CNTN1: variants seen among roughly 807,000 people sequenced by gnomAD.
The protein encoded by CNTN1 is contactin-1.
In CNTN1, 38 loss-of-function variants were observed where a neutral mutation model predicts 126.4. The ratio of observed to expected loss-of-function variants is 0.30; its 90% CI spans 0.23 to 0.39. The LOEUF (loss-of-function observed/expected upper bound fraction) is 0.39, where lower values mean the gene tolerates loss of function less well. Among genes scored for constraint, CNTN1 ranks in the 10% least tolerant of loss-of-function variants. CNTN1 has a pLI of 1.00. For synonymous variants in CNTN1, 413 were observed against 422.6 expected, an observed-to-expected ratio of 0.98 and a Z score of 0.28; for missense variants, 1,009 against 1,248.4, an observed-to-expected ratio of 0.81 and a Z score of 2.89.
At chr12:41,053,468 T>TATATATATATATATATATATA (rs60201950) in intron 23 of CNTN1, among the ~76,000 whole-genome samples, 24 of 130,858 alleles carry the variant, frequency 1.8e-4, no homozygotes, top group African/African-American at 3.2e-4. Flanking sequence ...TATATATATA[T>TATATATATATATATATATATA]TTGCCAATAA....
At chr12:41,069,381 A>G (rs1473947535) in intron 23 of CNTN1, among the ~76,000 whole-genome samples, 1 of 152,076 alleles carries the variant, frequency 6.6e-6, no homozygotes, top group Admixed American at 6.6e-5. Flanking sequence ...TAGCATACCT[A>G]TGTTGTCATT....
chr12:40,901,620 C>T (rs1944610900), intron 1 of CNTN1, among the ~76,000 whole-genome samples: 4 of 152,264 alleles, frequency 2.6e-5, no homozygotes, highest in Middle Eastern at 3.4e-3. Context: ...TTCATGTATA[C>T]GGCACACACA....
chr12:40,834,399 C>CA (rs1181848528), intron 1 of CNTN1, among the ~76,000 whole-genome samples: 1 of 152,006 alleles, frequency 6.6e-6, no homozygotes, highest in African/African-American at 2.4e-5. Flanking sequence ...ACTCAAGTGG[C>CA]AAATTGATGG....
intron 23 of CNTN1, among the ~76,000 whole-genome samples, chr12:41,047,147 A>G (rs1949559921): frequency 6.6e-6 from 1 of 151,844 alleles, no homozygotes; most frequent in Non-Finnish European, 1.5e-5. Context: ...CCAGCACCAC[A>G]TACCTAGAGA....
At chr12:40,853,926 T>C (rs996341544) in intron 1 of CNTN1, among the ~76,000 whole-genome samples, 3 of 151,432 alleles carry the variant, frequency 2.0e-5, no homozygotes, top group African/African-American at 4.9e-5. Flanking sequence ...AATGTGTTTA[T>C]GTATACCTGC....
chr12:41,017,095 A>C (rs1436276892), intron 19 of CNTN1, among the ~76,000 whole-genome samples, 179 bp downstream of exon 19: 1 of 152,166 alleles, frequency 6.6e-6, no homozygotes, highest in African/African-American at 2.4e-5. Flanking sequence ...CTAAATGATG[A>C]GAATGTTGCT....
intron 1 of CNTN1, among the ~76,000 whole-genome samples, chr12:40,748,225 A>T (rs1259496176): frequency 6.6e-6 from 1 of 152,176 alleles, no homozygotes; most frequent in Non-Finnish European, 1.5e-5. Context: ...CTGTTAGGTG[A>T]GAGACATTGG....
At chr12:40,905,279 T>C (rs1259939689) in intron 1 of CNTN1, among the ~76,000 whole-genome samples, 1 of 152,198 alleles carries the variant, frequency 6.6e-6, no homozygotes, top group Non-Finnish European at 1.5e-5. Context: ...TTTAGGCCTA[T>C]CCCACTTCTT....
intron 14 of CNTN1, among the ~76,000 whole-genome samples, chr12:40,949,569 CTTTTTT>C (rs36070275): frequency 1.2e-4 from 8 of 64,346 alleles, no homozygotes; most frequent in African/African-American, 4.6e-4. Flanking sequence ...TCTTTTCTTT[CTTTTTT>C]TTTTTTTTTT....
chr12:40,937,126 T>C (rs1408626031), intron 10 of CNTN1, among the ~76,000 whole-genome samples: 2 of 152,102 alleles, frequency 1.3e-5, no homozygotes, highest in African/African-American at 2.4e-5. Flanking sequence ...TCTCTCTCCT[T>C]ATTTTTTTCC....
intron 23 of CNTN1, among the ~76,000 whole-genome samples, chr12:41,051,365 A>G (rs1418067595): frequency 4.0e-5 from 6 of 151,136 alleles, no homozygotes. Context: ...GTTAGCCAGG[A>G]TGGTTTCGAT....
chr12:40,981,744 T>G (rs1215309247), intron 16 of CNTN1, among the ~76,000 whole-genome samples: 3 of 152,102 alleles, frequency 2.0e-5, no homozygotes. Flanking sequence ...TCCTGTAAAA[T>G]GGAAGATTGA....
intron 1 of CNTN1, among the ~76,000 whole-genome samples, chr12:40,721,896 G>T (rs891104392): frequency 1.3e-5 from 2 of 150,392 alleles, no homozygotes; most frequent in Non-Finnish European, 3.0e-5. Flanking sequence ...ATTTTTTATG[G>T]CTGCATAGTA....
At chr12:40,836,052 G>A (rs1377168638) in intron 1 of CNTN1, among the ~76,000 whole-genome samples, 1 of 149,036 alleles carries the variant, frequency 6.7e-6, no homozygotes, top group African/African-American at 2.5e-5. Flanking sequence ...GCATATATAT[G>A]TATATGTATA....
At chr12:40,763,964 G>A (rs1353894775) in intron 1 of CNTN1, among the ~76,000 whole-genome samples, 1 of 152,134 alleles carries the variant, frequency 6.6e-6, no homozygotes, top group Non-Finnish European at 1.5e-5. Context: ...ATAGCATGGG[G>A]TGTAGGAGAT....
At chr12:40,889,201 C>T (rs1037709285) in intron 1 of CNTN1, among the ~76,000 whole-genome samples, 2 of 152,142 alleles carry the variant, frequency 1.3e-5, no homozygotes, top group Non-Finnish European at 2.9e-5. Flanking sequence ...AGTAGCTGGG[C>T]CTATAATTAA....
At chr12:40,733,624 G>A (rs74078569) in intron 1 of CNTN1, among the ~76,000 whole-genome samples, 16,920 of 151,786 alleles carry the variant, frequency 0.11, 1,018 homozygotes, top group Non-Finnish European at 0.13. Flanking sequence ...TTTGTTCAAC[G>A]TTGAACTAGG....
chr12:40,848,041 G>A (rs1207990468), intron 1 of CNTN1, among the ~76,000 whole-genome samples: 1 of 152,142 alleles, frequency 6.6e-6, no homozygotes, highest in Non-Finnish European at 1.5e-5. Flanking sequence ...CCTGCACTCT[G>A]CTCACCTCCT....
intron 1 of CNTN1, among the ~76,000 whole-genome samples, chr12:40,704,364 T>C (rs1473226473): frequency 6.6e-6 from 1 of 152,190 alleles, no homozygotes; most frequent in African/African-American, 2.4e-5. Context: ...AATTATCTTT[T>C]AATAAGATCT....
Sources: allele counts gnomAD v4.1 joint callset (sites outside exome capture counted in the v4.1 genomes callset), GRCh38; gene constraint gnomAD v4.1.1; transcripts MANE v1.5; gene names NCBI Gene and HGNC (gene_info 2026-07-23, HGNC 2026-07-21).